CNTN5: variants seen among roughly 807,000 people sequenced by gnomAD.
CNTN5 encodes contactin 5, also known as contactin-5.
In CNTN5, 77 loss-of-function variants were observed where a neutral mutation model predicts 129.1. The observed-to-expected ratio is 0.60, with a 90% CI of 0.50 to 0.72. The LOEUF (loss-of-function observed/expected upper bound fraction) is 0.72, where lower values mean the gene tolerates loss of function less well. Ranked by LOEUF, CNTN5 falls within the 30% of genes least tolerant of loss-of-function variation. The probability of loss-of-function intolerance (pLI) is 0.00; values close to 1 mark genes in which losing one functional copy is unlikely to be tolerated. For synonymous variants in CNTN5, 509 were observed against 465.6 expected (o/e 1.09, Z -1.20); for missense variants, 1,478 against 1,328.8 (o/e 1.11, Z -1.75).
At chr11:100,206,416 A>G (rs1948913519) in intron 15 of CNTN5, among the ~76,000 whole-genome samples, 1 of 152,142 alleles carries the variant, frequency 6.6e-6, no homozygotes, top group Non-Finnish European at 1.5e-5. Context: ...AGTTAAGTAA[A>G]TGACCATGAT....
chr11:99,871,386 T>G (rs1014910094), intron 6 of CNTN5, among the ~76,000 whole-genome samples: 1 of 152,088 alleles, frequency 6.6e-6, no homozygotes, highest in African/African-American at 2.4e-5. Context: ...TTAGTGAGCC[T>G]AATCTGGATT....
intron 6 of CNTN5, among the ~76,000 whole-genome samples, chr11:99,847,381 C>G (rs1305933820): frequency 2.0e-5 from 3 of 152,328 alleles, no homozygotes; most frequent in Non-Finnish European, 2.9e-5. Flanking sequence ...TCTAAAGTAT[C>G]TTACCTATTT....
chr11:99,679,793 A>T (rs958442804), intron 3 of CNTN5, among the ~76,000 whole-genome samples: 1 of 152,262 alleles, frequency 6.6e-6, no homozygotes, highest in African/African-American at 2.4e-5. Flanking sequence ...GAAAGCCAAG[A>T]TAACCTGAAA....
At chr11:100,111,152 A>G (rs1945647039) in intron 13 of CNTN5, among the ~76,000 whole-genome samples, 1 of 152,156 alleles carries the variant, frequency 6.6e-6, no homozygotes, top group South Asian at 2.1e-4. Context: ...CTGTTTATAA[A>G]TGACACCCAA....
chr11:99,133,861 T>C (rs1859084129), intron 1 of CNTN5, among the ~76,000 whole-genome samples: 1 of 152,096 alleles, frequency 6.6e-6, no homozygotes, highest in Admixed American at 6.6e-5. Context: ...ATTCCTCAAA[T>C]ATTTAGAACT....
chr11:99,113,016 G>A (rs557760483), intron 1 of CNTN5, among the ~76,000 whole-genome samples: 25 of 151,860 alleles, frequency 1.6e-4, no homozygotes, highest in Non-Finnish European at 3.1e-4. Flanking sequence ...TCTAAACTTT[G>A]CCTCAATAGT....
intron 1 of CNTN5, among the ~76,000 whole-genome samples, chr11:99,273,153 G>A (rs909383965): frequency 2.6e-5 from 4 of 151,702 alleles, no homozygotes; most frequent in African/African-American, 9.7e-5. Flanking sequence ...GTTATGAGGC[G>A]AGCGGTCTAA....
chr11:99,836,842 G>T (rs1319279555), intron 4 of CNTN5, among the ~76,000 whole-genome samples: 1 of 152,124 alleles, frequency 6.6e-6, no homozygotes, highest in African/African-American at 2.4e-5. Flanking sequence ...ATTCTAACTG[G>T]TGTGAGATGG....
At chr11:100,255,228 CATT>C (rs1452426900) in intron 16 of CNTN5, among the ~76,000 whole-genome samples, 1 of 152,190 alleles carries the variant, frequency 6.6e-6, no homozygotes, top group Non-Finnish European at 1.5e-5. Flanking sequence ...TCTATACTAT[CATT>C]ATTTCAGAAC....
At chr11:99,642,489 C>T (rs1261761432) in intron 3 of CNTN5, among the ~76,000 whole-genome samples, 1 of 152,116 alleles carries the variant, frequency 6.6e-6, no homozygotes, top group African/African-American at 2.4e-5. Context: ...TTAGTTGACA[C>T]ATAGTAATTG....
chr11:99,788,116 A>C (rs1464799642), intron 3 of CNTN5, among the ~76,000 whole-genome samples: 1 of 151,846 alleles, frequency 6.6e-6, no homozygotes, highest in Non-Finnish European at 1.5e-5. Flanking sequence ...TTTTCAGGTG[A>C]TCTCTTCCAG....
At chr11:100,291,240 C>T (rs945588969) in intron 18 of CNTN5, among the ~76,000 whole-genome samples, 5 of 151,348 alleles carry the variant, frequency 3.3e-5, no homozygotes, top group Admixed American at 6.6e-5. Context: ...CCATTTGACC[C>T]AGCCATCCCA....
chr11:100,281,694 T>C (rs1488702599), intron 18 of CNTN5, among the ~76,000 whole-genome samples: 1 of 152,196 alleles, frequency 6.6e-6, no homozygotes, highest in Non-Finnish European at 1.5e-5. Context: ...TATCTCTTTC[T>C]ACCTTGTCTT....
At chr11:100,073,785 C>T (rs922033148) in intron 12 of CNTN5, among the ~76,000 whole-genome samples, 1 of 152,056 alleles carries the variant, frequency 6.6e-6, no homozygotes, top group South Asian at 2.1e-4. Flanking sequence ...TCGCAGGTCA[C>T]CTCCATCTTA....
intron 2 of CNTN5, among the ~76,000 whole-genome samples, chr11:99,365,902 C>T (rs1939416062): frequency 6.6e-6 from 1 of 152,068 alleles, no homozygotes; most frequent in Non-Finnish European, 1.5e-5. Context: ...CAAGTTTTCT[C>T]CTTTACTTTT....
intron 1 of CNTN5, among the ~76,000 whole-genome samples, chr11:99,294,402 A>G (rs1191391869): frequency 6.6e-6 from 1 of 152,198 alleles, no homozygotes; most frequent in African/African-American, 2.4e-5. Flanking sequence ...AAATTAGGAA[A>G]GCAATCCCAT....
chr11:100,002,967 A>G lies in CNTN5; in HGVS notation c.980+831A>G, dbSNP rs140773859. ...CAGTTGCAGAGAGCAAACTCCCACA[A>G]TATAACTATAAAGTACTCGGAGATA... On this transcript the variant is annotated intron_variant, in intron 9 of 24. Coordinates refer to ENST00000524871, the MANE Select transcript of CNTN5 (RefSeq NM_014361.4). Among the ~76,000 whole-genome samples, 160 of 152,224 alleles carry G rather than the reference A, an allele frequency of 1.1e-3. 2 individuals are homozygous for G. The highest frequency in any genetic ancestry group is 3.4e-3 in the African/African-American group (141 of 41,552).
At chr11:99,701,830 G>A (rs1954534289) in intron 3 of CNTN5, among the ~76,000 whole-genome samples, 1 of 150,946 alleles carries the variant, frequency 6.6e-6, no homozygotes, top group Non-Finnish European at 1.5e-5. Context: ...AGATTCTGCT[G>A]CCTTTGGCTC....
At chr11:99,552,873 T>G (rs1948539991) in intron 2 of CNTN5, among the ~76,000 whole-genome samples, 1 of 152,186 alleles carries the variant, frequency 6.6e-6, no homozygotes, top group Non-Finnish European at 1.5e-5. Context: ...ATTAACACCT[T>G]GCATTTTTAA....
Sources: gnomAD v4.1 joint callset for allele counts (sites outside exome capture counted in the v4.1 genomes callset) on GRCh38, gnomAD v4.1.1 for gene constraint, MANE v1.5 for transcripts, NCBI Gene and HGNC (gene_info 2026-07-23, HGNC 2026-07-21) for gene names.